NLGN1: variants seen among roughly 807,000 people sequenced by gnomAD.
The protein encoded by NLGN1 is neuroligin 1.
In NLGN1, 12 loss-of-function variants were observed where a neutral mutation model predicts 65.5. That is an observed-to-expected ratio of 0.18 (90% CI 0.12 to 0.30). The LOEUF (loss-of-function observed/expected upper bound fraction) is 0.30, where lower values mean the gene tolerates loss of function less well. Among genes scored for constraint, NLGN1 ranks in the 10% least tolerant of loss-of-function variants. NLGN1 has a pLI of 1.00. For missense variants in NLGN1, 750 were observed against 1,007.1 expected, an observed-to-expected ratio of 0.74 and a Z score of 3.46; for synonymous variants, 350 against 359.5, an observed-to-expected ratio of 0.97 and a Z score of 0.30.
At chr3:173,496,528 A>C (rs534705612) in intron 2 of NLGN1, among the ~76,000 whole-genome samples, 144 of 151,930 alleles carry the variant, frequency 9.5e-4, no homozygotes, top group Non-Finnish European at 1.3e-3. Flanking sequence ...AATATCTGAG[A>C]TACACTGAAT....
chr3:174,128,688 G>A (rs998334577), intron 4 of NLGN1, among the ~76,000 whole-genome samples: 1 of 152,164 alleles, frequency 6.6e-6, no homozygotes, highest in Non-Finnish European at 1.5e-5. Context: ...TCAGTTGGTA[G>A]CTTGTAACTT....
chr3:173,732,077 A>G (rs1447103081), intron 3 of NLGN1, among the ~76,000 whole-genome samples: 1 of 152,084 alleles, frequency 6.6e-6, no homozygotes, highest in African/African-American at 2.4e-5. Context: ...AGTTAAGATA[A>G]AATATTATCT....
intron 4 of NLGN1, among the ~76,000 whole-genome samples, chr3:174,255,990 A>G (rs938599000): frequency 4.6e-5 from 7 of 152,166 alleles, no homozygotes; most frequent in Non-Finnish European, 8.8e-5. Flanking sequence ...TTAAAAAATT[A>G]TAAAGGAAGT....
intron 4 of NLGN1, among the ~76,000 whole-genome samples, chr3:174,274,447 C>CATCA (rs1188461236): frequency 2.6e-5 from 4 of 151,484 alleles, no homozygotes; most frequent in East Asian, 3.9e-4. Context: ...TTTTTCTATC[C>CATCA]ATCATCTTTT....
intron 3 of NLGN1, among the ~76,000 whole-genome samples, chr3:173,659,790 G>C (rs929298267): frequency 6.6e-6 from 1 of 151,656 alleles, no homozygotes; most frequent in South Asian, 2.1e-4. Flanking sequence ...TGTTTAGAAG[G>C]GGGTGGTGGT....
intron 4 of NLGN1, among the ~76,000 whole-genome samples, chr3:173,965,686 C>T (rs1438169354): frequency 6.6e-6 from 1 of 151,982 alleles, no homozygotes; most frequent in African/African-American, 2.4e-5. Context: ...AGAATTTTCT[C>T]GACTGGATTT....
intron 2 of NLGN1, among the ~76,000 whole-genome samples, chr3:173,574,062 CAAAAAA>C (rs1192427397): frequency 3.9e-5 from 2 of 51,918 alleles, no homozygotes; most frequent in Non-Finnish European, 7.1e-5. Flanking sequence ...GACTCCACCT[CAAAAAA>C]AAAAAAAAAA....
At chr3:174,242,383 A>ACT (rs3036871) in intron 4 of NLGN1, among the ~76,000 whole-genome samples, 73,083 of 151,436 alleles carry the variant, frequency 0.48, 18,444 homozygotes, top group African/African-American at 0.64. Context: ...ACAGAGTGAG[A>ACT]CTGTCTCACA....
intron 4 of NLGN1, among the ~76,000 whole-genome samples, chr3:173,965,156 A>T (rs1215269958): frequency 1.3e-5 from 2 of 152,092 alleles, no homozygotes; most frequent in Non-Finnish European, 2.9e-5. Flanking sequence ...GAAAATTATA[A>T]TGCAGAGTTA....
chr3:173,709,014 T>C (rs1768502199), intron 3 of NLGN1, among the ~76,000 whole-genome samples: 1 of 152,188 alleles, frequency 6.6e-6, no homozygotes, highest in Admixed American at 6.5e-5. Flanking sequence ...ATTTAGTTAT[T>C]GAGAAATGTA....
chr3:173,516,434 A>G (rs16827428), intron 2 of NLGN1, among the ~76,000 whole-genome samples: 8,562 of 152,050 alleles, frequency 0.056, 687 homozygotes, highest in African/African-American at 0.18. Flanking sequence ...TTCTCCTACA[A>G]TATACTCCTC....
intron 2 of NLGN1, among the ~76,000 whole-genome samples, chr3:173,578,235 C>CAAAAA (rs34436890): frequency 2.3e-5 from 3 of 128,524 alleles, no homozygotes; most frequent in East Asian, 2.1e-4. Context: ...GACTCCGTCT[C>CAAAAA]AAAAAAAAAA....
intron 3 of NLGN1, among the ~76,000 whole-genome samples, chr3:173,625,471 C>T (rs1348225945): frequency 6.6e-6 from 1 of 152,090 alleles, no homozygotes; most frequent in Non-Finnish European, 1.5e-5. Flanking sequence ...TGTACATTTA[C>T]TCATGCTTTT....
At chr3:173,801,413 T>A (rs999358580) in intron 3 of NLGN1, among the ~76,000 whole-genome samples, 1 of 151,984 alleles carries the variant, frequency 6.6e-6, no homozygotes, top group African/African-American at 2.4e-5. Context: ...ATAACGAAAA[T>A]AATAATGTGG....
At chr3:174,157,980 C>A (rs1241186163) in intron 4 of NLGN1, among the ~76,000 whole-genome samples, 1 of 151,682 alleles carries the variant, frequency 6.6e-6, no homozygotes, top group African/African-American at 2.4e-5. Flanking sequence ...TTTTCTTCTG[C>A]CTTAAGTAGA....
At chr3:174,263,575 GTC>G (rs1358020006) in intron 4 of NLGN1, among the ~76,000 whole-genome samples, 1 of 151,952 alleles carries the variant, frequency 6.6e-6, no homozygotes, top group African/African-American at 2.4e-5. Flanking sequence ...GCCTATGTGT[GTC>G]TCTGCACGTG....
intron 2 of NLGN1, among the ~76,000 whole-genome samples, chr3:173,595,688 A>G (rs1265205576): frequency 6.6e-6 from 1 of 152,150 alleles, no homozygotes; most frequent in Non-Finnish European, 1.5e-5. Flanking sequence ...GACATATCTG[A>G]GACTGGGAAG....
intron 2 of NLGN1, among the ~76,000 whole-genome samples, chr3:173,546,854 T>A (rs1243672565): frequency 1.3e-5 from 2 of 152,196 alleles, no homozygotes; most frequent in Admixed American, 6.5e-5. Context: ...TATCTTATAT[T>A]CTTGATTATA....
chr3:173,477,404 CA>C (rs1726414740), intron 2 of NLGN1, among the ~76,000 whole-genome samples: 2 of 152,150 alleles, frequency 1.3e-5, no homozygotes, highest in Admixed American at 6.5e-5. Context: ...CATAAAAAGC[CA>C]AGCATGGTGG....
Sources: gnomAD v4.1 joint callset for allele counts (sites outside exome capture counted in the v4.1 genomes callset) on GRCh38, gnomAD v4.1.1 for gene constraint, MANE v1.5 for transcripts, NCBI Gene and HGNC (gene_info 2026-07-23, HGNC 2026-07-21) for gene names.